MICAL3: variants seen among roughly 807,000 people sequenced by gnomAD.
MICAL3 encodes the protein [F-actin]-monooxygenase MICAL3.
Under a neutral mutation model 207.4 loss-of-function variants are expected in MICAL3, and 62 were observed. The observed-to-expected ratio is 0.30, with a 90% CI of 0.24 to 0.37. The LOEUF is 0.37. Ranked by LOEUF, MICAL3 falls within the 10% of genes least tolerant of loss-of-function variation. The probability of loss-of-function intolerance (pLI) is 1.00; values close to 1 mark genes in which losing one functional copy is unlikely to be tolerated. For missense variants in MICAL3, 2,368 were observed against 2,635.6 expected, an observed-to-expected ratio of 0.90 and a Z score of 2.22; for synonymous variants, 1,077 against 1,069.3, an observed-to-expected ratio of 1.01 and a Z score of -0.14.
At chr22:18,014,935 C>T (rs926951886) in intron 1 of MICAL3, among the ~76,000 whole-genome samples, 4 of 151,160 alleles carry the variant, frequency 2.6e-5, no homozygotes, top group East Asian at 3.9e-4. Flanking sequence ...TGCAGTGAGC[C>T]GACATTGCGC....
chr22:17,975,141 G>C (rs1935579135), intron 1 of MICAL3, among the ~76,000 whole-genome samples: 1 of 152,204 alleles, frequency 6.6e-6, no homozygotes, highest in Non-Finnish European at 1.5e-5. Flanking sequence ...TCAGCCTTGT[G>C]ATCACAAACC....
intron 29 of MICAL3, among the ~76,000 whole-genome samples, chr22:17,804,609 TA>T (rs2061972054): frequency 6.6e-6 from 1 of 152,178 alleles, no homozygotes; most frequent in African/African-American, 2.4e-5. Flanking sequence ...CCAAGAGCGC[TA>T]TGTAATTTCC....
At chr22:17,897,002 G>C (rs1454061804) in intron 7 of MICAL3, 21 bp from the exon 8 acceptor site, 2 of 1,594,720 alleles carry the variant, frequency 1.3e-6, no homozygotes, top group Non-Finnish European at 1.7e-6. Flanking sequence ...AGAAAGAGGA[G>C]GGTAGGGATG....
At chr22:17,909,210 T>G (rs73388410) in intron 1 of MICAL3, among the ~76,000 whole-genome samples, 1 of 152,156 alleles carries the variant, frequency 6.6e-6, no homozygotes, top group South Asian at 2.1e-4. Context: ...CAACAAACCC[T>G]CCTGGCTCTA....
intron 1 of MICAL3, among the ~76,000 whole-genome samples, chr22:17,952,714 A>G (rs1388962352): frequency 6.6e-6 from 1 of 152,174 alleles, no homozygotes; most frequent in Non-Finnish European, 1.5e-5. Flanking sequence ...CAGAGAGGCC[A>G]CTGAGTGCAA....
intron 10 of MICAL3, among the ~76,000 whole-genome samples, chr22:17,894,581 AAGGTC>A (rs1930665777): frequency 6.6e-6 from 1 of 151,796 alleles, no homozygotes; most frequent in Non-Finnish European, 1.5e-5. Flanking sequence ...GGCAGATCAC[AAGGTC>A]AGGAGTTCAA....
chr22:17,972,140 T>C (rs1935441291), intron 1 of MICAL3, among the ~76,000 whole-genome samples: 1 of 152,238 alleles, frequency 6.6e-6, no homozygotes, highest in Non-Finnish European at 1.5e-5. Flanking sequence ...CCAGTGGCTA[T>C]TTAATAAGCA....
At chr22:17,975,427 G>T (rs2146420703) in intron 1 of MICAL3, among the ~76,000 whole-genome samples, 1 of 152,072 alleles carries the variant, frequency 6.6e-6, no homozygotes, top group African/African-American at 2.4e-5. Flanking sequence ...CAACTTTCTG[G>T]TATTTCTGAG....
At chr22:17,951,048 T>C (rs956656279) in intron 1 of MICAL3, among the ~76,000 whole-genome samples, 6 of 152,344 alleles carry the variant, frequency 3.9e-5, no homozygotes, top group African/African-American at 1.4e-4. Context: ...GCCAAAGCAC[T>C]GCTCTCTCCA....
chr22:17,810,310 G>A (rs549104080), intron 28 of MICAL3, among the ~76,000 whole-genome samples: 43 of 152,164 alleles, frequency 2.8e-4, no homozygotes, highest in Non-Finnish European at 2.8e-4. Context: ...TGATCCGCCC[G>A]CCTTGGCCTC....
At chr22:17,879,273 C>T (rs757464544) in intron 16 of MICAL3, 8 of 1,351,980 alleles carry the variant, frequency 5.9e-6, no homozygotes, top group Non-Finnish European at 8.1e-6. Context: ...TCCCTTCCCG[C>T]TGCCCCACCA....
intron 29 of MICAL3, 139 bp downstream of exon 29, chr22:17,808,705 A>C: frequency 1.5e-6 from 1 of 685,864 alleles, no homozygotes; most frequent in Non-Finnish European, 2.5e-6. Context: ...GGAAGCCCCA[A>C]ATCTCAGAGA....
chr22:17,934,186 A>G (rs1933406858), intron 1 of MICAL3, among the ~76,000 whole-genome samples: 1 of 152,238 alleles, frequency 6.6e-6, no homozygotes, highest in Admixed American at 6.5e-5. Flanking sequence ...ATCCCTGATG[A>G]ACATCAATGC....
chr22:17,810,286 A>C lies in MICAL3; in HGVS notation c.5556+417T>G, dbSNP rs553577174. Among the ~76,000 whole-genome samples the C allele has an allele frequency of 4.3e-3, 659 of 152,014 alleles. 4 individuals are homozygous for C. The highest frequency in any genetic ancestry group is 0.015 in the African/African-American group (609 of 41,440). ...CACCGTGTTAGCCAGGATGGTCTCA[A>C]TCTCCTGACCTTGTGATCCGCCCGC... On this transcript the variant is annotated intron_variant, in intron 28 of 31. Transcript: ENST00000441493.
intron 29 of MICAL3, 29 bp from the exon 30 acceptor site, chr22:17,791,330 A>C (rs754085933): frequency 6.3e-7 from 1 of 1,583,550 alleles, no homozygotes; most frequent in African/African-American, 1.3e-5. Flanking sequence ...TGTCGGGTGC[A>C]GGGAGTGCCG....
At chr22:18,011,707 A>G (rs534965184) in intron 1 of MICAL3, among the ~76,000 whole-genome samples, 72 of 150,832 alleles carry the variant, frequency 4.8e-4, no homozygotes, top group African/African-American at 1.7e-3. Context: ...TTACTATATT[A>G]TAGTAAATAT....
chr22:17,862,653 G>A (rs1926647706), intron 19 of MICAL3: 17 of 985,076 alleles, frequency 1.7e-5, no homozygotes, highest in African/African-American at 3.5e-5. Flanking sequence ...TCTATCAAAG[G>A]AGAAAAGGGT....
At chr22:17,830,149 C>T (rs1280248493) in intron 21 of MICAL3, among the ~76,000 whole-genome samples, 1 of 152,068 alleles carries the variant, frequency 6.6e-6, no homozygotes, top group African/African-American at 2.4e-5. Flanking sequence ...GGGCAGTACT[C>T]CCCTTCTACA....
chr22:17,810,855 G>A lies in MICAL3; in HGVS notation c.5446-42C>T, dbSNP rs377333559. 4.5e-5 allele frequency: 70 copies of A among 1,547,590 alleles called. No homozygotes were observed. In the African/African-American group the frequency reaches 7.3e-4, roughly 16 times the overall value. On this transcript the variant is annotated intron_variant, in intron 27 of 31. Coordinates refer to ENST00000441493, the MANE Select transcript of MICAL3 (RefSeq NM_015241.3). Reference sequence around the variant, plus strand: ...AAACTTCCTCAGTCAGGTGCACGGAGGCCTGGGACAGGGGTGGGCAGCAGG... The same window carrying A: ...AAACTTCCTCAGTCAGGTGCACGGAAGCCTGGGACAGGGGTGGGCAGCAGG...
Sources: allele counts gnomAD v4.1 joint callset (sites outside exome capture counted in the v4.1 genomes callset), GRCh38; gene constraint gnomAD v4.1.1; transcripts MANE v1.5; gene names NCBI Gene and HGNC (gene_info 2026-07-23, HGNC 2026-07-21).